The following KCNIP1 variants were observed in gnomAD, a reference collection of about 807,000 sequenced individuals.
KCNIP1 encodes the protein potassium voltage-gated channel interacting protein 1.
Under a neutral mutation model 33.0 loss-of-function variants are expected in KCNIP1, and 18 were observed. The observed-to-expected ratio is 0.55, with a 90% CI of 0.38 to 0.81. The LOEUF is 0.81. Among genes scored for constraint, KCNIP1 ranks in the 30% least tolerant of loss-of-function variants. The pLI, the probability that KCNIP1 is intolerant of heterozygous loss-of-function variation, is 0.00. For missense variants in KCNIP1, 238 were observed against 271.6 expected, an observed-to-expected ratio of 0.88 and a Z score of 0.87; for synonymous variants, 93 against 98.3, an observed-to-expected ratio of 0.95 and a Z score of 0.32.
At chr5:170,428,422 G>A (rs1435461310) in intron 1 of KCNIP1, among the ~76,000 whole-genome samples, 3 of 98,952 alleles carry the variant, frequency 3.0e-5, no homozygotes, top group Non-Finnish European at 4.9e-5. Flanking sequence ...GCTTAATGCT[G>A]TCTTTTTTTT....
At chr5:170,392,686 G>A (rs914874525) in intron 1 of KCNIP1, among the ~76,000 whole-genome samples, 8 of 152,178 alleles carry the variant, frequency 5.3e-5, no homozygotes, top group African/African-American at 1.7e-4. Context: ...AGCTGGGCAC[G>A]ATGGCAGGTG....
At chr5:170,719,606 G>C (rs971616145) in intron 2 of KCNIP1, among the ~76,000 whole-genome samples, 10 of 152,152 alleles carry the variant, frequency 6.6e-5, no homozygotes, top group African/African-American at 2.2e-4. Flanking sequence ...CTCCCTCCAG[G>C]TGCAGTCTGT....
intron 1 of KCNIP1, among the ~76,000 whole-genome samples, chr5:170,709,103 A>C (rs1763359506): frequency 6.6e-6 from 1 of 152,188 alleles, no homozygotes; most frequent in Non-Finnish European, 1.5e-5. Flanking sequence ...TGTGCACTTG[A>C]AAAAATTTAT....
intron 1 of KCNIP1, among the ~76,000 whole-genome samples, chr5:170,409,408 T>G (rs543123668): frequency 3.7e-4 from 56 of 152,306 alleles, no homozygotes; most frequent in African/African-American, 1.3e-3. Flanking sequence ...TGAACTCATG[T>G]GTCCAGTTGC....
At chr5:170,516,912 T>C (rs575554883) in intron 1 of KCNIP1, among the ~76,000 whole-genome samples, 2 of 152,356 alleles carry the variant, frequency 1.3e-5, no homozygotes, top group African/African-American at 4.8e-5. Context: ...CAGTATTAGA[T>C]GACAATAATG....
At chr5:170,675,111 G>A (rs1016578577) in intron 1 of KCNIP1, among the ~76,000 whole-genome samples, 1 of 151,890 alleles carries the variant, frequency 6.6e-6, no homozygotes, top group Non-Finnish European at 1.5e-5. Flanking sequence ...GACCAGCCTG[G>A]GCAATATAGT....
intron 1 of KCNIP1, among the ~76,000 whole-genome samples, chr5:170,475,519 A>C (rs1007220236): frequency 6.6e-6 from 1 of 152,238 alleles, no homozygotes; most frequent in Non-Finnish European, 1.5e-5. Context: ...AGCTTTTCTT[A>C]GGTTGTTCTA....
At chr5:170,384,446 T>C (rs1764382615) in intron 1 of KCNIP1, among the ~76,000 whole-genome samples, 1 of 152,210 alleles carries the variant, frequency 6.6e-6, no homozygotes, top group South Asian at 2.1e-4. Flanking sequence ...AGTCTCTAGA[T>C]GGTGCTTCAC....
At chr5:170,396,470 TG>T (rs1427361015) in intron 1 of KCNIP1, among the ~76,000 whole-genome samples, 1 of 152,244 alleles carries the variant, frequency 6.6e-6, no homozygotes, top group Non-Finnish European at 1.5e-5. Context: ...CCATGGTGGT[TG>T]AATTACAGCT....
At chr5:170,734,227 C>G (rs11956983) in intron 7 of KCNIP1, among the ~76,000 whole-genome samples, 21,709 of 144,252 alleles carry the variant, frequency 0.15, 2,076 homozygotes, top group African/African-American at 0.28. Context: ...TGACCCATTT[C>G]CCAGACTACA....
At chr5:170,492,751 C>CTATTTATT (rs1212975271) in intron 1 of KCNIP1, among the ~76,000 whole-genome samples, 1 of 141,118 alleles carries the variant, frequency 7.1e-6, no homozygotes, top group African/African-American at 2.8e-5. Context: ...GACCAAATAT[C>CTATTTATT]TATCTATTTA....
chr5:170,685,966 C>T (rs1405929987), intron 1 of KCNIP1, among the ~76,000 whole-genome samples: 3 of 152,124 alleles, frequency 2.0e-5, no homozygotes, highest in African/African-American at 4.8e-5. Flanking sequence ...TATTCAATTA[C>T]ACAAGTAATA....
intron 1 of KCNIP1, among the ~76,000 whole-genome samples, chr5:170,395,681 C>G (rs1207584843): frequency 1.3e-5 from 2 of 152,194 alleles, no homozygotes; most frequent in Non-Finnish European, 2.9e-5. Context: ...GAGATGGTGA[C>G]AGGTTGGCAA....
At chr5:170,385,847 C>A (rs911714089) in intron 1 of KCNIP1, among the ~76,000 whole-genome samples, 1 of 152,028 alleles carries the variant, frequency 6.6e-6, no homozygotes, top group South Asian at 2.1e-4. Flanking sequence ...AGGCCAGGTG[C>A]GGTGGCTCAT....
intron 1 of KCNIP1, among the ~76,000 whole-genome samples, chr5:170,356,851 C>T (rs568751658): frequency 6.6e-6 from 1 of 152,312 alleles, no homozygotes; most frequent in African/African-American, 2.4e-5. Context: ...CTATGCAACA[C>T]CTGTCCCACA....
chr5:170,385,556 T>TACTCAACTAATTAAA (rs1764435613), intron 1 of KCNIP1: 1 of 1,210,848 alleles, frequency 8.3e-7, no homozygotes, highest in Admixed American at 1.9e-5. Context: ...GAGGGGAAGG[T>TACTCAACTAATTAAA]ACTCAACTAT....
Position 170,733,881 on chromosome 5 carries a change from C to T in KCNIP1, c.586C>T (p.Leu196Phe). 1 of 1,613,696 alleles carries T rather than the reference C, an allele frequency of 6.2e-7. No individual in the cohort carries two copies. Among genetic ancestry groups the T allele is most frequent in the Non-Finnish European group, 8.5e-7 (1 of 1,179,650 alleles). ...TGGCATCGTAACTTTAGATGAATTT[C>T]TTGAATCATGTCAGGAGGTAAGGAG... ...KDGIVTLDEF[L>F]ESCQEDDNIM... The change falls in exon 7 of 8, where the codon CTT becomes TTT. Residue 196 changes from leucine to phenylalanine, a missense_variant. Coordinates refer to ENST00000328939, the MANE Select transcript of KCNIP1 (RefSeq NM_014592.4).
At chr5:170,383,537 G>A (rs1324299016) in intron 1 of KCNIP1, 2 of 878,036 alleles carry the variant, frequency 2.3e-6, no homozygotes, top group Non-Finnish European at 1.8e-6. Context: ...AGAAGAGCTA[G>A]GGCTGGCTCA....
At chr5:170,589,738 G>A (rs796980377) in intron 1 of KCNIP1, among the ~76,000 whole-genome samples, 49 of 109,060 alleles carry the variant, frequency 4.5e-4, no homozygotes, top group African/African-American at 2.2e-3. Context: ...GTGTGGTGTG[G>A]TGTGGTGTGG....
Sources: gnomAD v4.1 joint callset for allele counts (sites outside exome capture counted in the v4.1 genomes callset) on GRCh38, gnomAD v4.1.1 for gene constraint, MANE v1.5 for transcripts, NCBI Gene and HGNC (gene_info 2026-07-23, HGNC 2026-07-21) for gene names.